The following SYDE2 variants were observed in gnomAD, a reference collection of about 807,000 sequenced individuals.
SYDE2 encodes synapse defective Rho GTPase homolog 2.
Under a neutral mutation model 91.5 loss-of-function variants are expected in SYDE2, and 76 were observed. The observed-to-expected ratio is 0.83, with a 90% confidence interval of 0.69 to 1.01. The LOEUF (loss-of-function observed/expected upper bound fraction) is 1.01, where lower values mean the gene tolerates loss of function less well. Among genes scored for constraint, SYDE2 ranks in the 50% least tolerant of loss-of-function variants. The pLI is 0.00. For missense variants in SYDE2, 1,364 were observed against 1,367.7 expected (o/e 1.00, Z 0.04); for synonymous variants, 513 against 506.4 (o/e 1.01, Z -0.18).
chr1:85,189,492 A>C (rs1298632524), intron 2 of SYDE2, among the ~76,000 whole-genome samples: 2 of 152,196 alleles, frequency 1.3e-5, no homozygotes, highest in Non-Finnish European at 2.9e-5. Context: ...CTAATAGGCA[A>C]GCAATTACTG....
In SYDE2 at chr1:85,190,761, A is replaced by AAGAT; in HGVS notation, c.746-13_746-10dup. On this transcript the variant is annotated splice_polypyrimidine_tract_variant and intron_variant, in intron 1 of 6. Coordinates refer to ENST00000341460, the MANE Select transcript of SYDE2 (RefSeq NM_032184.2). ...GGCATTTTCAAATAAATCTGTTGCA[A>AAGAT]AGATAGAATAGAAGGTAGAATATAA... 1 of 1,579,672 alleles carries AAGAT rather than the reference A, an allele frequency of 6.3e-7. No homozygotes were observed. The highest frequency in any genetic ancestry group is 8.6e-7 in the Non-Finnish European group (1 of 1,163,522).
Position 85,200,808 on chromosome 1 carries a change from C to T in SYDE2, c.189G>A (p.Arg63=), listed in dbSNP as rs976350576. Residue 63 remains arginine (R), a synonymous_variant, in exon 1 of 7, where the codon CGG becomes CGA. Transcript: ENST00000341460. ...GRPRQQVSPP[R]SPQREPRGGQ... is the part of the protein sequence containing the mutation. The stretch of plus-strand genomic sequence containing the variant: ...CTCCCCGCGGCTCCCTCTGAGGCGA[C>T]CGGGGCGGGGACACCTGCTGCCGAG... The T allele has an allele frequency of 6.8e-7, 1 of 1,462,304 alleles. No individual in the cohort carries two copies. The highest frequency in any genetic ancestry group is 9.0e-7 in the Non-Finnish European group (1 of 1,114,986). 90.6% of individuals were successfully genotyped at this position (1,462,304 alleles called of 1,614,324 possible). A position where few individuals can be genotyped will look rare whatever the true frequency, so the allele number is the denominator to read the frequency against.
At chr1:85,155,033 A>G (rs1656847561), downstream of SYDE2, among the ~76,000 whole-genome samples, 1 of 148,518 alleles carries the variant, frequency 6.7e-6, no homozygotes, top group Non-Finnish European at 1.5e-5. Context: ...AAAGAAAAGA[A>G]AAAGAAAAAA....
chr1:85,154,873 G>A (rs1182875080), downstream of SYDE2, among the ~76,000 whole-genome samples: 1 of 151,732 alleles, frequency 6.6e-6, no homozygotes, highest in Non-Finnish European at 1.5e-5. Flanking sequence ...AAAATAAAGT[G>A]TGAGGAAAAA....
intron 2 of SYDE2, among the ~76,000 whole-genome samples, chr1:85,184,393 G>A (rs1658046424): frequency 6.6e-6 from 1 of 152,134 alleles, no homozygotes; most frequent in African/African-American, 2.4e-5. Flanking sequence ...GAAGATCACT[G>A]CAATAGCACT....
At chr1:85,179,997 T>G (rs751854607) in intron 3 of SYDE2, among the ~76,000 whole-genome samples, 1 of 152,196 alleles carries the variant, frequency 6.6e-6, no homozygotes, top group Non-Finnish European at 1.5e-5. Flanking sequence ...AAAAGATATT[T>G]TAGGATATAT....
At chr1:85,169,464 G>A (rs1657421204) in intron 4 of SYDE2, among the ~76,000 whole-genome samples, 2 of 152,114 alleles carry the variant, frequency 1.3e-5, no homozygotes, top group African/African-American at 2.4e-5. Flanking sequence ...GTTACCACAC[G>A]TTAGGTTTGT....
chr1:85,179,261 T>C (rs1221503703), intron 3 of SYDE2, among the ~76,000 whole-genome samples: 1 of 152,172 alleles, frequency 6.6e-6, no homozygotes, highest in East Asian at 1.9e-4. Context: ...CTTCCAGGAT[T>C]TGAATTAGGA....
At chr1:85,176,796 G>A (rs894841521) in intron 4 of SYDE2, among the ~76,000 whole-genome samples, 3 of 152,126 alleles carry the variant, frequency 2.0e-5, no homozygotes, top group Admixed American at 6.5e-5. Flanking sequence ...GGATGAATGA[G>A]ACAAGTCTGT....
chr1:85,188,418 C>A (rs1658237154), intron 2 of SYDE2, among the ~76,000 whole-genome samples: 1 of 152,188 alleles, frequency 6.6e-6, no homozygotes, highest in African/African-American at 2.4e-5. Flanking sequence ...AAATTGCCAT[C>A]ATACAGTACA....
At chr1:85,197,577 A>G (rs978352738) in intron 1 of SYDE2, among the ~76,000 whole-genome samples, 2 of 152,262 alleles carry the variant, frequency 1.3e-5, no homozygotes, top group Non-Finnish European at 2.9e-5. Flanking sequence ...GTCAAGTGAC[A>G]TCAATTTCAA....
chr1:85,188,531 G>T (rs187119210), intron 2 of SYDE2, among the ~76,000 whole-genome samples: 3 of 152,298 alleles, frequency 2.0e-5, no homozygotes, highest in African/African-American at 7.2e-5. Flanking sequence ...AATGTAAGTA[G>T]TTTATTTGCA....
chr1:85,179,835 A>C (rs1657844361), intron 3 of SYDE2, among the ~76,000 whole-genome samples: 1 of 94,134 alleles, frequency 1.1e-5, no homozygotes, highest in Admixed American at 1.0e-4. Flanking sequence ...AAACTTGAGA[A>C]GAAGATGAGC....
chr1:85,180,138 A>G (rs1657856586), intron 3 of SYDE2, among the ~76,000 whole-genome samples: 1 of 152,188 alleles, frequency 6.6e-6, no homozygotes, highest in Admixed American at 6.5e-5. Context: ...GGGTGGTAGT[A>G]GCACTCAAAG....
At chr1:85,188,201 T>C (rs1489913408) in intron 2 of SYDE2, among the ~76,000 whole-genome samples, 2 of 152,148 alleles carry the variant, frequency 1.3e-5, no homozygotes, top group African/African-American at 2.4e-5. Context: ...GATCACAATC[T>C]GCATTCCAAA....
chr1:85,193,629 ATT>A (rs34535337), intron 1 of SYDE2, among the ~76,000 whole-genome samples: 2 of 151,456 alleles, frequency 1.3e-5, no homozygotes, highest in South Asian at 4.2e-4. Flanking sequence ...ATTAAAAGGA[ATT>A]TTTTTTTACT....
downstream of SYDE2, among the ~76,000 whole-genome samples, chr1:85,155,036 AG>A (rs1435041396): frequency 7.3e-5 from 11 of 149,910 alleles, no homozygotes; most frequent in Admixed American, 2.0e-4. Context: ...GAAAAGAAAA[AG>A]AAAAAAGAAA....
rs1344488878 is a variant in SYDE2, at chr1:85,200,831, G to A, written c.166C>T (p.Arg56Trp). The change falls in exon 1 of 7, where the codon CGG (arginine) becomes TGG (tryptophan). Residue 56 changes from arginine (R) to tryptophan (W), a missense_variant. Arg to Trp is a moderately radical substitution (Grantham distance 101, BLOSUM62 -3). Transcript: ENST00000341460. The stretch of plus-strand genomic sequence containing the variant: ...GACCGGGGCGGGGACACCTGCTGCC[G>A]AGGGCGTCCGCCGCCTCCCCGCTCC... ...DGERGGGGRP[R>W]QQVSPPRSPQ... 7.1e-6 allele frequency: 10 copies of A among 1,401,474 alleles called. No individual in the cohort carries two copies. The highest frequency in any genetic ancestry group is 3.7e-5 in the Admixed American group (1 of 27,188). The allele number at this position is 1,401,474 out of a possible 1,614,324, so 86.8% of individuals were successfully genotyped here.
chr1:85,200,354 T>G lies in SYDE2; in HGVS notation c.643A>C (p.Lys215Gln), dbSNP rs780072052. ...MKGRARGTAPKVTGTQAASPN... is the reference protein window; with the variant it reads ...MKGRARGTAPQVTGTQAASPN... ...GAGGCTGCCTGCGTTCCTGTGACTT[T>G]GGGAGCCGTCCCACGGGCACGACCC... The change falls in exon 1 of 7, where the codon AAA (lysine) becomes CAA (glutamine). Residue 215 changes from lysine (K) to glutamine (Q), a missense_variant. Transcript: ENST00000341460. The G allele has an allele frequency of 4.5e-5, 72 of 1,613,910 alleles. No homozygotes were observed. In the Admixed American group the frequency reaches 1.1e-3, roughly 25 times the overall value.
Sources: allele counts gnomAD v4.1 joint callset (sites outside exome capture counted in the v4.1 genomes callset), GRCh38; gene constraint gnomAD v4.1.1; transcripts MANE v1.5; gene names NCBI Gene and HGNC (gene_info 2026-07-23, HGNC 2026-07-21).